The following GABRB3 variants were observed in gnomAD, a reference collection of about 807,000 sequenced individuals.
The protein encoded by GABRB3 is gamma-aminobutyric acid type A receptor subunit beta3, also known as gamma-aminobutyric acid receptor subunit beta-3.
In GABRB3, 14 loss-of-function variants were observed where a neutral mutation model predicts 52.1. The observed-to-expected ratio is 0.27, with a 90% CI of 0.18 to 0.42. The LOEUF (loss-of-function observed/expected upper bound fraction) is 0.42. Ranked by LOEUF, GABRB3 falls within the 10% of genes least tolerant of loss-of-function variation. GABRB3 has a pLI of 1.00. For synonymous variants in GABRB3, 260 were observed against 232.3 expected (o/e 1.12, Z -1.08); for missense variants, 307 against 609.1 (o/e 0.50, Z 5.22).
intron 6 of GABRB3, among the ~76,000 whole-genome samples, chr15:26,570,697 T>C (rs959654992): frequency 3.9e-5 from 6 of 152,234 alleles, no homozygotes; most frequent in African/African-American, 1.4e-4. Context: ...CATCCCAGTT[T>C]TGAAGATGCG....
chr15:26,552,131 C>T (rs1047040092), intron 8 of GABRB3, among the ~76,000 whole-genome samples: 2 of 152,264 alleles, frequency 1.3e-5, no homozygotes, highest in East Asian at 3.9e-4. Context: ...CCTCAGCCTC[C>T]CAAGTAGCTG....
At chr15:26,603,887 C>T (rs1891674314) in intron 4 of GABRB3, among the ~76,000 whole-genome samples, 1 of 152,072 alleles carries the variant, frequency 6.6e-6, no homozygotes, top group African/African-American at 2.4e-5. Context: ...CTCACTTTCA[C>T]CACTGGTGTT....
intron 3 of GABRB3, among the ~76,000 whole-genome samples, chr15:26,730,283 T>G (rs561258171): frequency 2.0e-5 from 3 of 152,068 alleles, no homozygotes; most frequent in Non-Finnish European, 2.9e-5. Flanking sequence ...CCGGGCGTGG[T>G]AGCGGGCGCC....
chr15:26,678,925 T>C (rs1463866605), intron 3 of GABRB3, among the ~76,000 whole-genome samples: 1 of 152,184 alleles, frequency 6.6e-6, no homozygotes, highest in African/African-American at 2.4e-5. Flanking sequence ...TATGTTAGTG[T>C]GAGTTTCTAT....
intron 3 of GABRB3, among the ~76,000 whole-genome samples, chr15:26,701,265 G>A (rs1888927027): frequency 6.6e-6 from 1 of 151,000 alleles, no homozygotes; most frequent in Non-Finnish European, 1.5e-5. Context: ...TAAGTTGGGG[G>A]GAAAAAAATA....
intron 6 of GABRB3, among the ~76,000 whole-genome samples, chr15:26,574,004 T>C (rs967719822): frequency 2.0e-4 from 31 of 152,180 alleles, no homozygotes; most frequent in African/African-American, 6.5e-4. Flanking sequence ...TGAGCCAAGA[T>C]TGTGCCACTG....
intron 3 of GABRB3, among the ~76,000 whole-genome samples, chr15:26,635,520 A>C (rs1186917085): frequency 9.9e-6 from 1 of 101,004 alleles, no homozygotes; most frequent in African/African-American, 5.4e-5. Context: ...AGACAAGGCA[A>C]AAAAAAAATG....
intron 7 of GABRB3, among the ~76,000 whole-genome samples, chr15:26,566,645 G>A (rs1890187973): frequency 6.6e-6 from 1 of 152,088 alleles, no homozygotes; most frequent in Non-Finnish European, 1.5e-5. Context: ...AGGATCACTT[G>A]AGTTCAGGAG....
chr15:26,707,571 G>A (rs1889145196), intron 3 of GABRB3, among the ~76,000 whole-genome samples: 1 of 152,212 alleles, frequency 6.6e-6, no homozygotes, highest in Non-Finnish European at 1.5e-5. Context: ...CCAGGAAGAA[G>A]AGGATGCATT....
chr15:26,711,192 A>G (rs1889282557), intron 3 of GABRB3, among the ~76,000 whole-genome samples: 1 of 152,214 alleles, frequency 6.6e-6, no homozygotes, highest in Admixed American at 6.5e-5. Context: ...CCAGCAAAAT[A>G]TATCACTGTG....
At chr15:26,665,470 T>C (rs1343586495) in intron 3 of GABRB3, among the ~76,000 whole-genome samples, 2 of 152,278 alleles carry the variant, frequency 1.3e-5, no homozygotes, top group Admixed American at 1.3e-4. Flanking sequence ...TAAAAGTATC[T>C]TTTAAATAGC....
chr15:26,746,398 GGAGTCTTTA>G lies in GABRB3; in HGVS notation c.240+25995_240+26003del, dbSNP rs543684550. On this transcript the variant is annotated intron_variant, in intron 3 of 8. Transcript: ENST00000311550. ...TTGGAGATATTTTTTCTAAGTGTAC[GGAGTCTTTA>G]GAGTCTTTTGCAGAACAAATGTTTT... Among the ~76,000 whole-genome samples the G allele has an allele frequency of 1.6e-3, 240 of 152,048 alleles. 1 individual carries two copies. The highest frequency in any genetic ancestry group is 5.7e-3 in the African/African-American group (235 of 41,454).
intron 4 of GABRB3, among the ~76,000 whole-genome samples, chr15:26,589,697 C>A (rs1216892557): frequency 2.0e-5 from 3 of 152,040 alleles, no homozygotes; most frequent in Non-Finnish European, 4.4e-5. Flanking sequence ...GCTTGCTGGC[C>A]CCTCACTCAC....
intron 3 of GABRB3, among the ~76,000 whole-genome samples, chr15:26,654,896 G>A (rs533375179): frequency 4.6e-5 from 7 of 152,122 alleles, no homozygotes; most frequent in East Asian, 1.9e-4. Context: ...ACAACAGCAC[G>A]ATCACGGCTC....
chr15:26,596,973 C>G (rs1891415728), intron 4 of GABRB3, among the ~76,000 whole-genome samples: 6 of 152,142 alleles, frequency 3.9e-5, no homozygotes, highest in Admixed American at 3.9e-4. Context: ...GTGTATAATA[C>G]AGCAAGGGGG....
chr15:26,594,953 T>A (rs887429824), intron 4 of GABRB3, among the ~76,000 whole-genome samples: 31 of 152,370 alleles, frequency 2.0e-4, no homozygotes, highest in Non-Finnish European at 3.2e-4. Context: ...CCTCTAAGCC[T>A]AGGGATTGGC....
chr15:26,684,955 C>T (rs529761554), intron 3 of GABRB3, among the ~76,000 whole-genome samples: 9 of 152,280 alleles, frequency 5.9e-5, no homozygotes, highest in South Asian at 2.1e-4. Context: ...CAAAATCTGG[C>T]GCCAATAGAC....
At chr15:26,560,820 T>C (rs954332983) in intron 8 of GABRB3, 112 bp downstream of exon 8, 4 of 1,451,606 alleles carry the variant, frequency 2.8e-6, no homozygotes, top group African/African-American at 2.8e-5. Flanking sequence ...ACAAGAAGGG[T>C]GTGTGGCTTG....
At chr15:26,693,406 G>C (rs553101900) in intron 3 of GABRB3, among the ~76,000 whole-genome samples, 1 of 152,128 alleles carries the variant, frequency 6.6e-6, no homozygotes, top group Non-Finnish European at 1.5e-5. Context: ...TTTCCCCTGC[G>C]AGATCATGCT....
Sources: gnomAD v4.1 joint callset for allele counts (sites outside exome capture counted in the v4.1 genomes callset) on GRCh38, gnomAD v4.1.1 for gene constraint, MANE v1.5 for transcripts, NCBI Gene and HGNC (gene_info 2026-07-23, HGNC 2026-07-21) for gene names.